ANAPC1: variants seen among roughly 807,000 people sequenced by gnomAD.
ANAPC1 encodes the protein anaphase-promoting complex subunit 1.
ANAPC1 carries 36 observed loss-of-function variants against 208.0 expected under a neutral mutation model. The ratio of observed to expected loss-of-function variants is 0.17; its 90% CI spans 0.13 to 0.23. The LOEUF (loss-of-function observed/expected upper bound fraction) is 0.23, where lower values mean the gene tolerates loss of function less well. Among genes scored for constraint, ANAPC1 ranks in the 10% least tolerant of loss-of-function variants. The pLI is 1.00. For synonymous variants in ANAPC1, 378 were observed against 695.2 expected, an observed-to-expected ratio of 0.54 and a Z score of 7.18; for missense variants, 942 against 2,011.6, an observed-to-expected ratio of 0.47 and a Z score of 10.17.
chr2:111,775,830 C>A (rs1326674790), intron 46 of ANAPC1, among the ~76,000 whole-genome samples: 1 of 152,244 alleles, frequency 6.6e-6, no homozygotes, highest in Non-Finnish European at 1.5e-5. Context: ...TTTGAAATAA[C>A]ATGTTTTTCC....
At chr2:111,857,846 T>C (rs917487740) in intron 11 of ANAPC1, among the ~76,000 whole-genome samples, 1 of 152,168 alleles carries the variant, frequency 6.6e-6, no homozygotes, top group African/African-American at 2.4e-5. Context: ...GGTAGATCTA[T>C]ACAATGGACT....
intron 26 of ANAPC1, 28 bp from the exon 27 acceptor site, chr2:111,818,986 G>T: frequency 6.2e-7 from 1 of 1,609,158 alleles, no homozygotes; most frequent in Non-Finnish European, 8.5e-7. Context: ...ACCAACATAT[G>T]AAAATGTTTA....
chr2:111,793,974 T>A (rs1678028737), intron 37 of ANAPC1, 104 bp downstream of exon 37: 1 of 718,188 alleles, frequency 1.4e-6, no homozygotes, highest in Non-Finnish European at 2.1e-6. Context: ...ATTCTACATT[T>A]AAAAAAACAG....
chr2:111,782,366 T>C lies in ANAPC1; in HGVS notation c.5202+3A>G. On this transcript the variant is annotated splice_donor_region_variant and intron_variant, in intron 43 of 47. Coordinates refer to ENST00000341068, the MANE Select transcript of ANAPC1 (RefSeq NM_022662.4). ...TTCCGTTTTTACCAATCAATAATACTACCTTGAAAGCCCGGGCTTCAGAGT... is the reference window on the plus strand; with the variant it reads ...TTCCGTTTTTACCAATCAATAATACCACCTTGAAAGCCCGGGCTTCAGAGT... 1.2e-6 allele frequency: 2 copies of C among 1,613,182 alleles called. No homozygotes were observed. The highest frequency in any genetic ancestry group is 1.1e-5 in the South Asian group (1 of 91,018).
At chr2:111,865,065 C>T (rs80200688) in intron 7 of ANAPC1, 114 bp from the exon 8 acceptor site, 398,981 of 1,061,698 alleles carry the variant, frequency 0.38, 77,260 homozygotes, top group South Asian at 0.45. Context: ...CCAAAGAGAG[C>T]ACAAAATTTA....
chr2:111,834,036 C>T (rs1048667914), intron 19 of ANAPC1, among the ~76,000 whole-genome samples: 62 of 152,104 alleles, frequency 4.1e-4, no homozygotes, highest in African/African-American at 1.4e-3. Context: ...GGTGTTGAAA[C>T]GTATTATTAG....
At chr2:111,777,164 G>T (rs1169399413) in intron 45 of ANAPC1, 107 bp from the exon 46 acceptor site, 1 of 628,000 alleles carries the variant, frequency 1.6e-6, no homozygotes, top group Non-Finnish European at 2.9e-6. Context: ...ATTATAAAGG[G>T]TCGGGGGGTG....
At chr2:111,795,792 C>G (rs112132070) in intron 34 of ANAPC1, among the ~76,000 whole-genome samples, 3,712 of 152,194 alleles carry the variant, frequency 0.024, 87 homozygotes, top group Middle Eastern at 0.058. Context: ...ACCAAGAAGA[C>G]ATTTGATCCT....
At chr2:111,867,652 A>G (rs1352291695) in intron 7 of ANAPC1, among the ~76,000 whole-genome samples, 3 of 151,394 alleles carry the variant, frequency 2.0e-5, no homozygotes, top group Non-Finnish European at 4.4e-5. Context: ...AGATCACACC[A>G]CTGCACTCCA....
chr2:111,876,264 A>C (rs1252812555), intron 3 of ANAPC1, among the ~76,000 whole-genome samples: 1 of 131,020 alleles, frequency 7.6e-6, no homozygotes, highest in Non-Finnish European at 1.8e-5. Context: ...AATAAAAAGA[A>C]CAACCAAAAA....
intron 17 of ANAPC1, among the ~76,000 whole-genome samples, 177 bp from the exon 18 acceptor site, chr2:111,838,689 A>G (rs1424329362): frequency 6.6e-6 from 1 of 152,228 alleles, no homozygotes; most frequent in Non-Finnish European, 1.5e-5. Context: ...GTTACTGTAA[A>G]GATGAAATGA....
intron 8 of ANAPC1, 38 bp downstream of exon 8, chr2:111,864,768 T>C (rs1398504471): frequency 1.9e-6 from 3 of 1,609,044 alleles, no homozygotes; most frequent in Non-Finnish European, 8.5e-7. Flanking sequence ...CAGCCTACCC[T>C]TTCCTATTAA....
rs1676551604 is a variant in ANAPC1, at chr2:111,768,540, C to T, written c.*751G>A. 6.7e-6 allele frequency: 1 copy of T among 150,312 alleles called. No individual in the cohort carries two copies. Among genetic ancestry groups the T allele is most frequent in the Non-Finnish European group, 1.5e-5 (1 of 67,934 alleles). The allele number at this position is 150,312 out of a possible 1,614,324, so 9.3% of individuals were successfully genotyped here. A position where few individuals can be genotyped will look rare whatever the true frequency, so the allele number is the denominator to read the frequency against. ...CTTCTTGGCTTGCAGACGGCCGACT[C>T]CTCACTGTCTTCACATGGCAGAGAG... On this transcript the variant is annotated 3_prime_UTR_variant, in exon 48 of 48. Coordinates refer to ENST00000341068, the MANE Select transcript of ANAPC1 (RefSeq NM_022662.4).
intron 10 of ANAPC1, among the ~76,000 whole-genome samples, chr2:111,860,164 C>T (rs13390410): frequency 0.59 from 88,259 of 150,802 alleles, 26,679 homozygotes; most frequent in South Asian, 0.68. Flanking sequence ...TCAGGCGTGG[C>T]GGTGTGTGCT....
chr2:111,770,228 T>TATATATATAA (rs1491455655), intron 47 of ANAPC1, among the ~76,000 whole-genome samples: 3 of 104,408 alleles, frequency 2.9e-5, no homozygotes, highest in Admixed American at 9.6e-5. Context: ...TATATATATA[T>TATATATATAA]AAATTCTTTA....
At position 111,832,221 on chromosome 2, in the gene ANAPC1, T is replaced by C. The variant is rs905307416; in HGVS notation, c.2477-787A>G. Among the ~76,000 whole-genome samples the C allele has an allele frequency of 8.7e-5, 13 of 149,618 alleles. 1 individual carries two copies. Among genetic ancestry groups the C allele is most frequent in the Admixed American group, 4.0e-4 (6 of 14,834 alleles). ...GGGAGGCTGAGGCAGGAGAATCGCT[T>C]GAGCCTGGAAGGCAGAGGATGCAGT... On this transcript the variant is annotated intron_variant, in intron 20 of 47. Coordinates refer to ENST00000341068, the MANE Select transcript of ANAPC1 (RefSeq NM_022662.4).
At chr2:111,842,051 A>T (rs1460156307) in intron 17 of ANAPC1, among the ~76,000 whole-genome samples, 1 of 152,170 alleles carries the variant, frequency 6.6e-6, no homozygotes, top group Non-Finnish European at 1.5e-5. Context: ...AAGTAACTAG[A>T]GATGTGGTTA....
rs1334026518 is a variant in ANAPC1, at chr2:111,856,936, G to A, written c.1359-50C>T. 4.3e-6 allele frequency: 6 copies of A among 1,388,974 alleles called. No homozygotes were observed. The African/African-American group carries it at 6.0e-5, about 14-fold the overall frequency. 86.0% of individuals were successfully genotyped at this position (1,388,974 alleles called of 1,614,324 possible). A position where few individuals can be genotyped will look rare whatever the true frequency, so the allele number is the denominator to read the frequency against. ...CTTGATACATGCAACAACCTGTATGGGTATTAAAAGTATTATACTGAACAG... is the reference window on the plus strand; with the variant it reads ...CTTGATACATGCAACAACCTGTATGAGTATTAAAAGTATTATACTGAACAG... On this transcript the variant is annotated intron_variant, in intron 11 of 47. Coordinates refer to ENST00000341068, the MANE Select transcript of ANAPC1 (RefSeq NM_022662.4).
In ANAPC1 at chr2:111,856,876, A is replaced by T; in HGVS notation, c.1369T>A (p.Phe457Ile). ...ESQLQLRCVKFQESNDKTQLI... is the reference protein window; with the variant it reads ...ESQLQLRCVKIQESNDKTQLI... Reference sequence around the variant, plus strand: ...TGGGTTTTATCATTACTCTCTTGAAACTTTACACAGCTAAATAATAAAATA... The same window carrying T: ...TGGGTTTTATCATTACTCTCTTGAATCTTTACACAGCTAAATAATAAAATA... Residue 457 changes from phenylalanine (F) to isoleucine (I), a missense_variant, in exon 12 of 48, where the codon TTT (phenylalanine) becomes ATT (isoleucine). By Grantham distance (21) the Phe-to-Ile change is conservative. Coordinates refer to ENST00000341068, the MANE Select transcript of ANAPC1 (RefSeq NM_022662.4). The T allele has an allele frequency of 2.5e-6, 4 of 1,611,814 alleles. No individual in the cohort carries two copies. The highest frequency in any genetic ancestry group is 3.4e-6 in the Non-Finnish European group (4 of 1,179,654).
Sources: gnomAD v4.1 joint callset for allele counts (sites outside exome capture counted in the v4.1 genomes callset) on GRCh38, gnomAD v4.1.1 for gene constraint, MANE v1.5 for transcripts, NCBI Gene and HGNC (gene_info 2026-07-23, HGNC 2026-07-21) for gene names.